NOD1: variants seen among roughly 807,000 people sequenced by gnomAD.
NOD1 encodes the protein nucleotide binding oligomerization domain containing 1.
Under a neutral mutation model 81.2 loss-of-function variants are expected in NOD1, and 70 were observed. The ratio of observed to expected loss-of-function variants is 0.86; its 90% CI spans 0.71 to 1.05. NOD1 has a LOEUF of 1.05. Among genes scored for constraint, NOD1 ranks in the 50% least tolerant of loss-of-function variants. The pLI, the probability that NOD1 is intolerant of heterozygous loss-of-function variation, is 0.00. For synonymous variants in NOD1, 508 were observed against 526.9 expected, an observed-to-expected ratio of 0.96 and a Z score of 0.49; for missense variants, 1,233 against 1,228.0, an observed-to-expected ratio of 1.00 and a Z score of -0.06.
At chr7:30,461,251 C>T (rs938763544) in intron 1 of NOD1, among the ~76,000 whole-genome samples, 10 of 152,164 alleles carry the variant, frequency 6.6e-5, no homozygotes, top group East Asian at 5.8e-4. Flanking sequence ...AATCTCGGCT[C>T]ACTGCAGCCT....
At position 30,451,989 on chromosome 7, in the gene NOD1, AAAGAGGCT is replaced by A; in HGVS notation, c.1420_1427del (p.Ser474CysfsTer33). The A allele has an allele frequency of 6.2e-7, 1 of 1,613,566 alleles. No individual in the cohort carries two copies. Among genetic ancestry groups the A allele is most frequent in the Non-Finnish European group, 8.5e-7 (1 of 1,179,990 alleles). On this transcript the variant is annotated frameshift_variant, in exon 6 of 14. Transcript: ENST00000222823. LOFTEE classifies it high-confidence loss of function. The surrounding 1 kb of genome is among the most constrained non-coding windows in gnomAD (Gnocchi z 4.2). ...CCTGCACCTCCTCCTGGGTGAAGAC[AAAGAGGCT>A]CTTCTCCATGCCCCGGTGGGCCACC... is the stretch of plus-strand genomic sequence containing the variant.
At chr7:30,435,900 G>A in intron 11 of NOD1, 98 bp downstream of exon 11, 1 of 986,248 alleles carries the variant, frequency 1.0e-6, no homozygotes, top group Non-Finnish European at 1.6e-6. Flanking sequence ...GGAGGCTGCA[G>A]TGAGCTGAGA....
intron 1 of NOD1, among the ~76,000 whole-genome samples, chr7:30,476,624 GA>G (rs374556650): frequency 1.3e-3 from 199 of 152,320 alleles, no homozygotes; most frequent in African/African-American, 4.5e-3. Flanking sequence ...AGCTTTCTTG[GA>G]AAGCCATTTA....
rs778249529 is a variant in NOD1 at position 30,455,155 on chromosome 7, C to T, written c.358G>A (p.Val120Met). ...SPSLLTQSKV[V>M]VNTDPVSRYT... ...CTCCTACCTGGGTCAGTGTTGACCA[C>T]GACTTTGCTCTGAGTGAGCAGGGAA... The change falls in exon 5 of 14, where the codon GTG (valine) becomes ATG (methionine). Residue 120 changes from valine (V) to methionine (M), a missense_variant. Physicochemically the swap from Val to Met is conservative, Grantham distance 21. Transcript: ENST00000222823. 16 of 1,613,810 alleles carry T rather than the reference C, an allele frequency of 9.9e-6. No homozygotes were observed. Among genetic ancestry groups the T allele is most frequent in the African/African-American group, 1.3e-5 (1 of 74,916 alleles).
At chr7:30,430,204 T>C (rs957091443) in intron 12 of NOD1, among the ~76,000 whole-genome samples, 3 of 152,138 alleles carry the variant, frequency 2.0e-5, no homozygotes, top group African/African-American at 7.2e-5. Context: ...ATGAAATAGT[T>C]CTCATGAATA....
chr7:30,464,774 T>C (rs955139486), intron 1 of NOD1, among the ~76,000 whole-genome samples: 10 of 152,214 alleles, frequency 6.6e-5, no homozygotes, highest in African/African-American at 2.4e-4. Flanking sequence ...TAGCCAGCCT[T>C]TCTGTGCCGT....
intron 11 of NOD1, among the ~76,000 whole-genome samples, chr7:30,435,087 T>C (rs531179821): frequency 6.6e-6 from 1 of 152,266 alleles, no homozygotes; most frequent in South Asian, 2.1e-4. Flanking sequence ...ATGGAATTTA[T>C]GATACAGAGA....
intron 6 of NOD1, among the ~76,000 whole-genome samples, chr7:30,449,761 A>G (rs554849169): frequency 6.6e-6 from 1 of 152,314 alleles, no homozygotes; most frequent in East Asian, 1.9e-4. Context: ...CAGAGAACTG[A>G]GTGTGCTTCC....
rs1318688150 is a variant in NOD1, at chr7:30,425,641, G to A, written c.2859C>T (p.Phe953=). 6.2e-7 allele frequency: 1 copy of A among 1,612,264 alleles called. No homozygotes were observed. Among genetic ancestry groups the A allele is most frequent in the Admixed American group, 1.7e-5 (1 of 59,738 alleles). ...CCATGAACAGGAAAGCATCCTCTCA[G>A]AAACAGATAATCCGCTTCTCATCTT... is the stretch of plus-strand genomic sequence containing the variant. ...VYEDEKRIIC[F] The change falls in exon 14 of 14, where the codon TTC becomes TTT. Residue 953 remains phenylalanine, a synonymous_variant. Coordinates refer to ENST00000222823, the MANE Select transcript of NOD1 (RefSeq NM_006092.4).
chr7:30,466,767 ATAAC>A (rs775530704), intron 1 of NOD1, among the ~76,000 whole-genome samples: 4 of 152,352 alleles, frequency 2.6e-5, no homozygotes, highest in African/African-American at 7.2e-5. Flanking sequence ...TTCAGATACT[ATAAC>A]TATTTATGGA....
intron 13 of NOD1, chr7:30,428,505 A>G (rs756428354): frequency 2.0e-5 from 3 of 152,244 alleles, no homozygotes; most frequent in Non-Finnish European, 4.4e-5. Flanking sequence ...CTTTCATACC[A>G]TGCACATTGC....
At chr7:30,464,431 C>T (rs1317623658) in intron 1 of NOD1, among the ~76,000 whole-genome samples, 2 of 152,222 alleles carry the variant, frequency 1.3e-5, no homozygotes, top group South Asian at 2.1e-4. Context: ...TCCTCATGTC[C>T]GGCCCTGCAA....
In NOD1 at chr7:30,458,128, T is replaced by C. The variant is rs142953877; in HGVS notation, c.-122+1024A>G. Among the ~76,000 whole-genome samples the C allele has an allele frequency of 5.4e-3, 823 of 152,286 alleles. 7 individuals are homozygous for C. Among genetic ancestry groups the C allele is most frequent in the African/African-American group, 0.019 (776 of 41,560 alleles). ...GTAGGAACAGGGACCCAGGCTATTT[T>C]ATTTGGGCATTAAAAAACATTTGGG... is the stretch of plus-strand genomic sequence containing the variant. On this transcript the variant is annotated intron_variant, in intron 3 of 13. Transcript: ENST00000222823.
intron 6 of NOD1, among the ~76,000 whole-genome samples, chr7:30,448,713 A>T (rs1785380729): frequency 6.6e-6 from 1 of 152,146 alleles, no homozygotes; most frequent in Non-Finnish European, 1.5e-5. Flanking sequence ...CAGACCCTGT[A>T]CCTGGTTCTC....
Position 30,455,295 on chromosome 7 carries a change from T to C in NOD1, c.218A>G (p.Asp73Gly). 1 of 1,613,478 alleles carries C rather than the reference T, an allele frequency of 6.2e-7. No homozygotes were observed. The highest frequency in any genetic ancestry group is 8.5e-7 in the Non-Finnish European group (1 of 1,179,604). Residue 73 changes from aspartate (D) to glycine (G), a missense_variant, in exon 5 of 14, where the codon GAC becomes GGC. Asp to Gly is a moderately conservative substitution (Grantham distance 94, BLOSUM62 -1). Coordinates refer to ENST00000222823, the MANE Select transcript of NOD1 (RefSeq NM_006092.4). Reference protein sequence around the residue: ...TQPDKVRKILDLVQSKGEEVS... With the variant: ...TQPDKVRKILGLVQSKGEEVS... Reference sequence around the variant, plus strand: ...CTCCTCGCCCTTGCTCTGTACCAGGTCCAGAATTTTGCGGACCTGGAGGTG... The same window carrying C: ...CTCCTCGCCCTTGCTCTGTACCAGGCCCAGAATTTTGCGGACCTGGAGGTG...
At chr7:30,436,962 T>A (rs1784430921) in intron 10 of NOD1, among the ~76,000 whole-genome samples, 2 of 152,238 alleles carry the variant, frequency 1.3e-5, no homozygotes, top group South Asian at 2.1e-4. Flanking sequence ...TAGCAAAGAC[T>A]TGGAACCAAC....
Position 30,448,401 on chromosome 7 carries a change from A to T in NOD1, c.2202-20T>A. The T allele has an allele frequency of 6.2e-7, 1 of 1,600,646 alleles. No individual in the cohort carries two copies. Among genetic ancestry groups the T allele is most frequent in the Non-Finnish European group, 8.6e-7 (1 of 1,167,642 alleles). On this transcript the variant is annotated intron_variant, in intron 6 of 13. Transcript: ENST00000222823. ...CTGAGTCTGAAATAAAACAGCAAAA[A>T]AATTACGAGTCAGGGCAGGCACTCA...
Position 30,455,587 on chromosome 7 carries a change from C to T in NOD1, c.202-276G>A, listed in dbSNP as rs1003017895. 3.0e-5 allele frequency among the ~76,000 whole-genome samples: 4 copies of T among 131,230 alleles called. No homozygotes were observed. The East Asian group carries it at 6.9e-4, about 22-fold the overall frequency. 86.1% of individuals were successfully genotyped at this position (131,230 alleles called of 152,430 possible). A position where few individuals can be genotyped will look rare whatever the true frequency, so the allele number is the denominator to read the frequency against. On this transcript the variant is annotated intron_variant, in intron 4 of 13. Coordinates refer to ENST00000222823, the MANE Select transcript of NOD1 (RefSeq NM_006092.4). ...AGACAAATAGCCATGGACTTCTCTA[C>T]CTCTTTTTTTTTTTTTTCTTTTTTG...
At position 30,451,196 on chromosome 7, in the gene NOD1, C is replaced by T. The variant is rs1320369370; in HGVS notation, c.2201+20G>A. The T allele has an allele frequency of 1.7e-5, 27 of 1,605,614 alleles. No individual in the cohort carries two copies. The East Asian group carries it at 5.6e-4, about 33-fold the overall frequency. ...GGCCCGCCCGGCCCACCTGTTGCTCCCCTTGCCTGGCAGCCTCACCTGAGA... is the reference window on the plus strand; with the variant it reads ...GGCCCGCCCGGCCCACCTGTTGCTCTCCTTGCCTGGCAGCCTCACCTGAGA... On this transcript the variant is annotated intron_variant, in intron 6 of 13. Coordinates refer to ENST00000222823, the MANE Select transcript of NOD1 (RefSeq NM_006092.4). This position sits in a 1 kb window ranked among gnomAD's most constrained non-coding sequence, Gnocchi z 4.2.
Sources: allele counts gnomAD v4.1 joint callset (sites outside exome capture counted in the v4.1 genomes callset), GRCh38; gene constraint gnomAD v4.1.1; non-coding constraint Gnocchi (gnomAD v3.1); transcripts MANE v1.5; gene names NCBI Gene and HGNC (gene_info 2026-07-23, HGNC 2026-07-21).